The following LARGE1 variants were observed in gnomAD, a reference collection of about 807,000 sequenced individuals.
The protein encoded by LARGE1 is LARGE xylosyl- and glucuronyltransferase 1, also known as xylosyl- and glucuronyltransferase LARGE1.
Under a neutral mutation model 87.6 loss-of-function variants are expected in LARGE1, and 43 were observed. The ratio of observed to expected loss-of-function variants is 0.49; its 90% CI spans 0.38 to 0.63. LARGE1 has a LOEUF of 0.63. LARGE1 is among the 30% of genes least tolerant of loss of function. The probability of loss-of-function intolerance (pLI) is 0.00; values close to 1 mark genes in which losing one functional copy is unlikely to be tolerated. For synonymous variants in LARGE1, 434 were observed against 394.6 expected (o/e 1.10, Z -1.18); for missense variants, 802 against 1,000.2 (o/e 0.80, Z 2.67).
chr22:33,781,378 G>A (rs1377786225), intron 1 of LARGE1, among the ~76,000 whole-genome samples: 2 of 152,128 alleles, frequency 1.3e-5, no homozygotes, highest in Non-Finnish European at 2.9e-5. Flanking sequence ...GTGGGTGCCT[G>A]TAATCCCAGC....
intron 6 of LARGE1, among the ~76,000 whole-genome samples, chr22:33,544,435 C>T (rs903839203): frequency 3.9e-5 from 6 of 152,048 alleles, no homozygotes; most frequent in Admixed American, 3.3e-4. Context: ...GCCTGTAATC[C>T]CAGCACTTTG....
intron 11 of LARGE1, among the ~76,000 whole-genome samples, chr22:33,237,026 G>A (rs1045997174): frequency 5.9e-5 from 9 of 152,308 alleles, no homozygotes; most frequent in Admixed American, 2.0e-4. Context: ...GATCATCAGC[G>A]TGGTTAGAAT....
intron 6 of LARGE1, among the ~76,000 whole-genome samples, chr22:33,493,120 C>G (rs1206989548): frequency 1.3e-5 from 2 of 149,886 alleles, no homozygotes; most frequent in East Asian, 3.9e-4. Context: ...AAAACCATCT[C>G]TATCCAAATG....
At chr22:33,605,533 TTAAA>T (rs1043296993) in intron 4 of LARGE1, among the ~76,000 whole-genome samples, 2 of 152,110 alleles carry the variant, frequency 1.3e-5, no homozygotes, top group Non-Finnish European at 2.9e-5. Flanking sequence ...GCTGTGTTGA[TTAAA>T]TAAAATAAGA....
chr22:33,611,946 T>C (rs904416998), intron 4 of LARGE1, among the ~76,000 whole-genome samples: 1 of 152,188 alleles, frequency 6.6e-6, no homozygotes, highest in African/African-American at 2.4e-5. Context: ...ACTTTCACCA[T>C]GTGATGTGCC....
In LARGE1 at chr22:33,304,260, G is replaced by C; in HGVS notation, c.1699C>G (p.Leu567Val). 6.2e-7 allele frequency: 1 copy of C among 1,614,284 alleles called. No homozygotes were observed. The highest frequency in any genetic ancestry group is 8.5e-7 in the Non-Finnish European group (1 of 1,180,056). Residue 567 changes from leucine (L) to valine (V), a missense_variant, in exon 12 of 15, where the codon CTG becomes GTG. Transcript: ENST00000397394. ...PYMFLSDIDF[L>V]PMYGLYEYLR... ...TACTCATAGAGCCCATACATGGGCA[G>C]GAAGTCAATGTCAGACAGGAACATG...
intron 2 of LARGE1, among the ~76,000 whole-genome samples, chr22:33,694,402 C>T (rs562477412): frequency 6.6e-6 from 1 of 152,320 alleles, no homozygotes; most frequent in East Asian, 1.9e-4. Context: ...CTCTAGTGAA[C>T]CTTTCTGTAA....
intron 1 of LARGE1, among the ~76,000 whole-genome samples, chr22:33,774,482 G>A (rs182580008): frequency 4.6e-5 from 7 of 152,052 alleles, no homozygotes; most frequent in African/African-American, 1.7e-4. Context: ...TCAGCCTCCC[G>A]AGTAGCTGGG....
intron 2 of LARGE1, among the ~76,000 whole-genome samples, chr22:33,654,711 T>C (rs2080913088): frequency 6.6e-6 from 1 of 152,186 alleles, no homozygotes; most frequent in Non-Finnish European, 1.5e-5. Flanking sequence ...GCTTTGTGTA[T>C]AGGTCGTAGT....
chr22:33,766,952 A>T (rs1431042384), intron 1 of LARGE1, among the ~76,000 whole-genome samples: 1 of 36,040 alleles, frequency 2.8e-5, no homozygotes, highest in Non-Finnish European at 5.9e-5. Context: ...ATATATATAT[A>T]TATATATATA....
At chr22:33,850,764 G>C (rs1210276554) in intron 1 of LARGE1, among the ~76,000 whole-genome samples, 1 of 152,102 alleles carries the variant, frequency 6.6e-6, no homozygotes, top group Non-Finnish European at 1.5e-5. Flanking sequence ...AGGGCATAAA[G>C]GTAGCAGCTG....
At chr22:33,785,128 T>TGTGTATATACATAC (rs1569445894) in intron 1 of LARGE1, among the ~76,000 whole-genome samples, 6 of 60,324 alleles carry the variant, frequency 9.9e-5, no homozygotes, top group Non-Finnish European at 2.0e-4. Flanking sequence ...TATATGCATA[T>TGTGTATATACATAC]ATGTGTATAC....
chr22:33,219,264 TA>T lies in LARGE1; in HGVS notation c.1731-52433del, dbSNP rs549074945. On this transcript the variant is annotated intron_variant, in intron 11 of 11. Transcript: ENST00000608642. ...TGTGATTGGTATGAATCCATATCTA[TA>T]AGATCAGAAGCCTGCACTTTTCACC... Among the ~76,000 whole-genome samples, 1,196 of 152,330 alleles carry T rather than the reference TA, an allele frequency of 7.9e-3. 18 individuals carry two copies. The highest frequency in any genetic ancestry group is 0.027 in the African/African-American group (1,131 of 41,560).
chr22:33,742,805 A>G (rs1282566734), intron 2 of LARGE1, among the ~76,000 whole-genome samples: 2 of 152,142 alleles, frequency 1.3e-5, no homozygotes, highest in East Asian at 3.9e-4. Context: ...TTTCCTAGTA[A>G]AGATGGTTGA....
chr22:33,113,374 A>G, the LARGE1 span, among the ~76,000 whole-genome samples: 46 of 151,950 alleles, frequency 3.0e-4, no homozygotes, highest in African/African-American at 8.7e-4. Flanking sequence ...CGCCTGGCTA[A>G]TTTTGTATTT....
intron 1 of LARGE1, among the ~76,000 whole-genome samples, chr22:33,864,396 T>G (rs889996176): frequency 6.6e-6 from 1 of 152,170 alleles, no homozygotes; most frequent in Non-Finnish European, 1.5e-5. Context: ...ACATACATGA[T>G]AAAGACAAGA....
At chr22:33,646,366 G>T (rs182139641) in intron 3 of LARGE1, among the ~76,000 whole-genome samples, 1 of 152,152 alleles carries the variant, frequency 6.6e-6, no homozygotes, top group African/African-American at 2.4e-5. Flanking sequence ...GTTCTCTCTC[G>T]TAAGTGGGAG....
chr22:33,270,670 G>T (rs931629545), downstream of LARGE1, among the ~76,000 whole-genome samples: 1 of 152,190 alleles, frequency 6.6e-6, no homozygotes, highest in Admixed American at 6.5e-5. Context: ...GTGTGAAGGA[G>T]CTGTGTCTGA....
At chr22:33,283,944 G>A (rs1931013569) in intron 12 of LARGE1, among the ~76,000 whole-genome samples, 2 of 151,902 alleles carry the variant, frequency 1.3e-5, no homozygotes, top group East Asian at 1.9e-4. Context: ...GAAAGAAAAG[G>A]AAAAGAAAAG....
Sources: allele counts gnomAD v4.1 joint callset (sites outside exome capture counted in the v4.1 genomes callset), GRCh38; gene constraint gnomAD v4.1.1; transcripts MANE v1.5; gene names NCBI Gene and HGNC (gene_info 2026-07-23, HGNC 2026-07-21).